TNFRSF19: variants seen among roughly 807,000 people sequenced by gnomAD.
TNFRSF19 encodes tumor necrosis factor receptor superfamily member 19.
A neutral mutation model predicts 46.4 loss-of-function variants in TNFRSF19; 27 were observed. The ratio of observed to expected loss-of-function variants is 0.58; its 90% CI spans 0.43 to 0.80. The LOEUF (loss-of-function observed/expected upper bound fraction) is 0.80. Among genes scored for constraint, TNFRSF19 ranks in the 30% least tolerant of loss-of-function variants. The pLI is 0.00. For synonymous variants in TNFRSF19, 204 were observed against 205.0 expected (o/e 1.00, Z 0.04); for missense variants, 511 against 530.8 (o/e 0.96, Z 0.37).
rs145356796 is a variant in TNFRSF19 at position 23,642,500 on chromosome 13, G to A, written c.445+15708G>A. The stretch of plus-strand genomic sequence containing the variant: ...TGGTTTTACCAATAAGGAAACTGAG[G>A]CAAGAGGCTGTCATTTGCTGGTGGT... On this transcript the variant is annotated intron_variant, in intron 5 of 9. Coordinates refer to ENST00000248484, the MANE Select transcript of TNFRSF19 (RefSeq NM_148957.4). Among the ~76,000 whole-genome samples the A allele has an allele frequency of 9.3e-4, 142 of 152,316 alleles. 1 individual carries two copies. Among genetic ancestry groups the A allele is most frequent in the Middle Eastern group, 6.8e-3 (2 of 294 alleles).
intron 5 of TNFRSF19, among the ~76,000 whole-genome samples, chr13:23,645,849 A>G (rs1011566271): frequency 6.6e-6 from 1 of 152,136 alleles, no homozygotes; most frequent in African/African-American, 2.4e-5. Flanking sequence ...AGGCATCTCA[A>G]ACTTAACAAT....
chr13:23,637,125 A>T (rs1882738624), intron 5 of TNFRSF19, among the ~76,000 whole-genome samples: 1 of 152,156 alleles, frequency 6.6e-6, no homozygotes, highest in Non-Finnish European at 1.5e-5. Flanking sequence ...GTAAGCTTTT[A>T]CATTATCATG....
chr13:23,582,670 CCCAAAAG>C (rs1265738696), intron 1 of TNFRSF19, among the ~76,000 whole-genome samples: 2 of 152,322 alleles, frequency 1.3e-5, no homozygotes, highest in East Asian at 3.9e-4. Flanking sequence ...ATAAAACACA[CCCAAAAG>C]TTTCCTTACA....
intron 2 of TNFRSF19, 128 bp downstream of exon 2, chr13:23,590,380 G>T: frequency 3.8e-6 from 2 of 528,140 alleles, no homozygotes; most frequent in Non-Finnish European, 3.2e-6. Flanking sequence ...TTTTGCTCAG[G>T]CTGGAGTGCA....
In TNFRSF19 at chr13:23,593,503, A is replaced by G. The variant is rs780981497; in HGVS notation, c.180+48A>G. Reference sequence around the variant, plus strand: ...TTGTGTATCTGTGTTTGTAAAATGCATTCGTCTTAACTCAATTCTTTGAGT... The same window carrying G: ...TTGTGTATCTGTGTTTGTAAAATGCGTTCGTCTTAACTCAATTCTTTGAGT... On this transcript the variant is annotated intron_variant, in intron 3 of 9. Coordinates refer to ENST00000248484, the MANE Select transcript of TNFRSF19 (RefSeq NM_148957.4). 23 of 1,259,996 alleles carry G rather than the reference A, an allele frequency of 1.8e-5. No individual in the cohort carries two copies. In the Admixed American group the frequency reaches 4.7e-4, roughly 25 times the overall value. The allele number at this position is 1,259,996 out of a possible 1,614,324, so 78.1% of individuals were successfully genotyped here.
intron 5 of TNFRSF19, among the ~76,000 whole-genome samples, chr13:23,637,954 A>T (rs546985063): frequency 3.3e-5 from 5 of 152,368 alleles, no homozygotes. Context: ...TCCGTGGTGG[A>T]ACTGGGAGGG....
chr13:23,595,334 C>A (rs1249576616), intron 3 of TNFRSF19, among the ~76,000 whole-genome samples: 2 of 152,126 alleles, frequency 1.3e-5, no homozygotes, highest in Non-Finnish European at 2.9e-5. Flanking sequence ...CATGTTCTAA[C>A]CCAATGCAAG....
At chr13:23,626,937 T>C in intron 5 of TNFRSF19, 145 bp downstream of exon 5, 1 of 706,518 alleles carries the variant, frequency 1.4e-6, no homozygotes, top group Non-Finnish European at 2.3e-6. Context: ...ATCAGGCTTC[T>C]GGCAGGACAG....
chr13:23,625,879 A>G (rs555636089), intron 4 of TNFRSF19, among the ~76,000 whole-genome samples: 5 of 152,302 alleles, frequency 3.3e-5, no homozygotes, highest in Admixed American at 2.6e-4. Flanking sequence ...ATTTGAATGT[A>G]CTTGATTAAT....
At chr13:23,615,811 TC>T in intron 3 of TNFRSF19, 55 bp from the exon 4 acceptor site, 1 of 1,492,862 alleles carries the variant, frequency 6.7e-7, no homozygotes. Context: ...TAGCGGTCTT[TC>T]CTTTTCACGC....
At chr13:23,627,739 C>T (rs1012078998) in intron 5 of TNFRSF19, among the ~76,000 whole-genome samples, 3 of 152,196 alleles carry the variant, frequency 2.0e-5, no homozygotes, top group African/African-American at 7.2e-5. Flanking sequence ...GGGCTCTGTC[C>T]TCTTGCTTTT....
intron 5 of TNFRSF19, among the ~76,000 whole-genome samples, chr13:23,635,971 A>T (rs1882651303): frequency 6.6e-6 from 1 of 152,206 alleles, no homozygotes; most frequent in South Asian, 2.1e-4. Flanking sequence ...CCATCATGAT[A>T]CAGAACATTT....
intron 4 of TNFRSF19, among the ~76,000 whole-genome samples, chr13:23,623,617 ATC>A (rs1881814854): frequency 6.6e-6 from 1 of 152,226 alleles, no homozygotes; most frequent in Non-Finnish European, 1.5e-5. Flanking sequence ...ACTTGTTATT[ATC>A]TGTTTGTTTG....
At chr13:23,613,601 A>G (rs1433293478) in intron 3 of TNFRSF19, among the ~76,000 whole-genome samples, 1 of 152,134 alleles carries the variant, frequency 6.6e-6, no homozygotes, top group Admixed American at 6.5e-5. Flanking sequence ...TACAACCTCA[A>G]GCTGCCTGGA....
In TNFRSF19 at chr13:23,668,924, G is replaced by T; in HGVS notation, c.1072G>T (p.Gly358Trp). 1 of 1,614,236 alleles carries T rather than the reference G, an allele frequency of 6.2e-7. No individual in the cohort carries two copies. Among genetic ancestry groups the T allele is most frequent in the Non-Finnish European group, 8.5e-7 (1 of 1,180,044 alleles). Residue 358 changes from glycine (G) to tryptophan (W), a missense_variant, in exon 9 of 10, where the codon GGG (glycine) becomes TGG (tryptophan). Around this residue, in one of 3 missense-constraint regions of TNFRSF19, gnomAD observed 376 missense variants for 372.7 expected, o/e 1.01. Transcript: ENST00000248484. ...AAATAGCAGTCAAGATTTGGTTGGT[G>T]GGGCTGTTCCAGTCCAGTCTCATTC... ...DSNSSQDLVGGAVPVQSHSEN... is the reference protein window; with the variant it reads ...DSNSSQDLVGWAVPVQSHSEN...
At chr13:23,618,218 T>G (rs373893958) in intron 4 of TNFRSF19, among the ~76,000 whole-genome samples, 1 of 152,032 alleles carries the variant, frequency 6.6e-6, no homozygotes, top group East Asian at 1.9e-4. Flanking sequence ...ACCCACAAAA[T>G]AGGAGAAAAT....
chr13:23,617,077 C>T (rs930998834), intron 4 of TNFRSF19, among the ~76,000 whole-genome samples: 1 of 151,910 alleles, frequency 6.6e-6, no homozygotes, highest in East Asian at 1.9e-4. Flanking sequence ...GAGATCTGAG[C>T]AAAGGCTTGA....
rs901796246 is a variant in TNFRSF19, at chr13:23,570,848, G to A, written c.-35G>A. 3 of 152,176 alleles carry A rather than the reference G, an allele frequency of 2.0e-5. No homozygotes were observed. The East Asian group carries it at 5.8e-4, about 29-fold the overall frequency. 9.4% of individuals were successfully genotyped at this position (152,176 alleles called of 1,614,324 possible). On this transcript the variant is annotated splice_region_variant and 5_prime_UTR_variant, in exon 1 of 10. Coordinates refer to ENST00000248484, the MANE Select transcript of TNFRSF19 (RefSeq NM_148957.4). The stretch of plus-strand genomic sequence containing the variant: ...CCAGGAGAAACTAAGTTGCTGAACG[G>A]GTAAGTACTGCAAAGAGCTCAGCAT...
At chr13:23,610,229 C>T (rs564211882) in intron 3 of TNFRSF19, among the ~76,000 whole-genome samples, 1 of 152,326 alleles carries the variant, frequency 6.6e-6, no homozygotes, top group East Asian at 1.9e-4. Context: ...TGTGAGTTTT[C>T]CCCTGTGGTC....
Sources: allele counts gnomAD v4.1 joint callset (sites outside exome capture counted in the v4.1 genomes callset), GRCh38; gene constraint gnomAD v4.1.1; regional missense constraint gnomAD v4.1.1; transcripts MANE v1.5; gene names NCBI Gene and HGNC (gene_info 2026-07-23, HGNC 2026-07-21).